The following TMEM9 variants were observed in gnomAD, a reference collection of about 807,000 sequenced individuals.
The protein encoded by TMEM9 is proton-transporting V-type ATPase complex assembly regulator TMEM9.
Under a neutral mutation model 22.8 loss-of-function variants are expected in TMEM9, and 13 were observed. The ratio of observed to expected loss-of-function variants is 0.57; its 90% CI spans 0.37 to 0.91. TMEM9 has a LOEUF of 0.91. Ranked by LOEUF, TMEM9 falls within the 40% of genes least tolerant of loss-of-function variation. The pLI, the probability that TMEM9 is intolerant of heterozygous loss-of-function variation, is 0.01. For missense variants in TMEM9, 182 were observed against 238.1 expected (o/e 0.76, Z 1.55); for synonymous variants, 88 against 93.0 (o/e 0.95, Z 0.31).
At chr1:201,148,516 C>G (rs1665171424) in intron 2 of TMEM9, among the ~76,000 whole-genome samples, 1 of 152,216 alleles carries the variant, frequency 6.6e-6, no homozygotes, top group Non-Finnish European at 1.5e-5. Context: ...GCTCTGCCAC[C>G]AAGTGTCTAT....
intron 4 of TMEM9, among the ~76,000 whole-genome samples, chr1:201,143,337 T>G (rs1402954688): frequency 6.6e-6 from 1 of 152,238 alleles, no homozygotes; most frequent in Non-Finnish European, 1.5e-5. Context: ...CCGGCACCAC[T>G]GTCTCATTCC....
In TMEM9 at chr1:201,139,827, G is replaced by A. The variant is rs558959926; in HGVS notation, c.399+3993C>T. Reference sequence around the variant, plus strand: ...CATGATTATGTGTATTCCAGACTTAGAAAACTAAACCAGGAGGTTAGCACC... The same window carrying A: ...CATGATTATGTGTATTCCAGACTTAAAAAACTAAACCAGGAGGTTAGCACC... On this transcript the variant is annotated intron_variant, in intron 4 of 4. Transcript: ENST00000367330. 3.9e-5 allele frequency among the ~76,000 whole-genome samples: 6 copies of A among 152,338 alleles called. No homozygotes were observed. In the East Asian group the frequency reaches 9.6e-4, roughly 24 times the overall value.
At chr1:201,148,684 T>C (rs10920134) in intron 2 of TMEM9, among the ~76,000 whole-genome samples, 19,672 of 152,250 alleles carry the variant, frequency 0.13, 1,604 homozygotes, top group East Asian at 0.39. Flanking sequence ...GGGTGTGTGA[T>C]ATAAAGACCA....
chr1:201,153,752 TGA>T (rs1188241520), intron 1 of TMEM9, 104 bp downstream of exon 1: 6 of 1,570,474 alleles, frequency 3.8e-6, no homozygotes, highest in Non-Finnish European at 5.2e-6. Context: ...CATAGGTGAG[TGA>T]GAGGCAGGCT....
At chr1:201,163,218 T>C (rs922814081) in intron 1 of TMEM9, among the ~76,000 whole-genome samples, 1 of 151,986 alleles carries the variant, frequency 6.6e-6, no homozygotes, top group Middle Eastern at 3.2e-3. Context: ...GCCTGGGAAG[T>C]TGAAGCTGCA....
Position 201,160,621 on chromosome 1 carries a change from A to AT in TMEM9, c.-36-6663dup, listed in dbSNP as rs151096062. On this transcript the variant is annotated intron_variant, in intron 1 of 5. Transcript: ENST00000367333. ...AAAATATTGAGGTTATACTGGGGAA[A>AT]TTTTTTTTTTTTTTTTAAAATCGAG... is the stretch of plus-strand genomic sequence containing the variant. Among the ~76,000 whole-genome samples the AT allele has an allele frequency of 1.0e-4, 15 of 148,122 alleles. No individual in the cohort carries two copies. The South Asian group carries it at 1.3e-3, about 13-fold the overall frequency.
Position 201,151,856 on chromosome 1 carries a change from G to A in TMEM9, c.67-4C>T, listed in dbSNP as rs376133235. 9.6e-5 allele frequency: 154 copies of A among 1,612,232 alleles called. No homozygotes were observed. In the African/African-American group the frequency reaches 1.8e-3, roughly 19 times the overall value. On this transcript the variant is annotated splice_region_variant and splice_polypyrimidine_tract_variant and intron_variant, in intron 1 of 4. Coordinates refer to ENST00000367330, the MANE Select transcript of TMEM9 (RefSeq NM_001288565.2). ...TGCACCGGATATCTTCAGAACTCTG[G>A]AAAAGAAAGCACATGTCAAGTATGC...
chr1:201,143,550 G>A (rs911861159), intron 4 of TMEM9, among the ~76,000 whole-genome samples: 13 of 152,238 alleles, frequency 8.5e-5, no homozygotes, highest in African/African-American at 2.7e-4. Context: ...GGCTGGCTGC[G>A]CCCCCTCTGC....
At chr1:201,153,586 T>G (rs1248493172) in intron 1 of TMEM9, among the ~76,000 whole-genome samples, 1 of 152,206 alleles carries the variant, frequency 6.6e-6, no homozygotes, top group Non-Finnish European at 1.5e-5. Context: ...CTTAGATAAC[T>G]TCTCCAAACT....
At chr1:201,160,055 C>A (rs1425773365) in intron 1 of TMEM9, among the ~76,000 whole-genome samples, 3 of 152,208 alleles carry the variant, frequency 2.0e-5, no homozygotes, top group Non-Finnish European at 2.9e-5. Context: ...TTTTTGGTTT[C>A]AGTGTTCTTA....
upstream of TMEM9, among the ~76,000 whole-genome samples, chr1:201,158,552 AGC>A (rs3084847): frequency 0.22 from 33,358 of 151,956 alleles, 4,369 homozygotes; most frequent in African/African-American, 0.36. Context: ...TCCCAGGACA[AGC>A]GAATGGGAAA....
intron 1 of TMEM9, among the ~76,000 whole-genome samples, chr1:201,165,593 C>G (rs1232479887): frequency 6.6e-6 from 1 of 151,954 alleles, no homozygotes; most frequent in Non-Finnish European, 1.5e-5. Context: ...TGCGCCACCA[C>G]GCCCAGCTAA....
In TMEM9 at chr1:201,135,631, G is replaced by T. The variant is rs757514490; in HGVS notation, c.*32C>A. 3.6e-5 allele frequency: 57 copies of T among 1,567,574 alleles called. No individual in the cohort carries two copies. Among genetic ancestry groups the T allele is most frequent in the Non-Finnish European group, 4.7e-5 (54 of 1,153,508 alleles). ...CAGCCTGGAAGCTGGCAGCCATGGTGTTGGGGCCTTGACCCAACCACACCA... is the reference window on the plus strand; with the variant it reads ...CAGCCTGGAAGCTGGCAGCCATGGTTTTGGGGCCTTGACCCAACCACACCA... On this transcript the variant is annotated 3_prime_UTR_variant, in exon 5 of 5. Coordinates refer to ENST00000367330, the MANE Select transcript of TMEM9 (RefSeq NM_001288565.2).
At chr1:201,148,005 C>T (rs3767514) in intron 2 of TMEM9, among the ~76,000 whole-genome samples, 22,753 of 152,180 alleles carry the variant, frequency 0.15, 1,805 homozygotes, top group Non-Finnish European at 0.18. Context: ...AGGAGATGTA[C>T]GTTCCTTGAA....
In TMEM9 at chr1:201,146,601, G is replaced by A. The variant is rs1181753685; in HGVS notation, c.267+139C>T. On this transcript the variant is annotated intron_variant, in intron 3 of 4. Coordinates refer to ENST00000367330, the MANE Select transcript of TMEM9 (RefSeq NM_001288565.2). ...GTGTGGGATGTGGGTCCCAGTGTCT[G>A]CACTAGGCCAGCCTAGAAGCCAGTC... is the stretch of plus-strand genomic sequence containing the variant. 4.5e-6 allele frequency: 4 copies of A among 892,346 alleles called. No individual in the cohort carries two copies. In the African/African-American group the frequency reaches 4.9e-5, roughly 11 times the overall value. 55.3% of individuals were successfully genotyped at this position (892,346 alleles called of 1,614,324 possible). A position where few individuals can be genotyped will look rare whatever the true frequency, so the allele number is the denominator to read the frequency against.
chr1:201,159,520 C>T (rs1008759445), intron 1 of TMEM9, among the ~76,000 whole-genome samples: 2 of 137,118 alleles, frequency 1.5e-5, no homozygotes, highest in African/African-American at 5.5e-5. Flanking sequence ...CACACACACA[C>T]AGCTCTCTCA....
intron 1 of TMEM9, among the ~76,000 whole-genome samples, chr1:201,162,081 T>C (rs566499421): frequency 6.6e-6 from 1 of 152,260 alleles, no homozygotes; most frequent in East Asian, 1.9e-4. Flanking sequence ...TTTTAATACA[T>C]ATGAGTGATC....
In TMEM9 at chr1:201,146,685, C is replaced by T. The variant is rs192812985; in HGVS notation, c.267+55G>A. 82 of 1,532,890 alleles carry T rather than the reference C, an allele frequency of 5.3e-5. No individual in the cohort carries two copies. The East Asian group carries it at 1.2e-3, about 22-fold the overall frequency. The allele number at this position is 1,532,890 out of a possible 1,614,324, so 95.0% of individuals were successfully genotyped here. On this transcript the variant is annotated intron_variant, in intron 3 of 4. Transcript: ENST00000367330. ...AAAACTGTGGGTGTAGGCCAGTCTG[C>T]GATTGGAGAATGGCGTGTGGGAATC...
intron 1 of TMEM9, 107 bp downstream of exon 1, chr1:201,153,751 G>C (rs1489175572): frequency 1.9e-6 from 3 of 1,570,058 alleles, no homozygotes; most frequent in Non-Finnish European, 2.6e-6. Context: ...CCATAGGTGA[G>C]TGAGAGGCAG....
Sources: allele counts gnomAD v4.1 joint callset (sites outside exome capture counted in the v4.1 genomes callset), GRCh38; gene constraint gnomAD v4.1.1; transcripts MANE v1.5; gene names NCBI Gene and HGNC (gene_info 2026-07-23, HGNC 2026-07-21).